The following FRAS1 variants were observed in gnomAD, a reference collection of about 807,000 sequenced individuals.
FRAS1 encodes Fraser extracellular matrix complex subunit 1, also known as extracellular matrix organizing protein FRAS1.
Under a neutral mutation model 435.2 loss-of-function variants are expected in FRAS1, and 290 were observed. The ratio of observed to expected loss-of-function variants is 0.67; its 90% CI spans 0.61 to 0.73. The LOEUF (loss-of-function observed/expected upper bound fraction) is 0.73. FRAS1 is among the 30% of genes least tolerant of loss of function. The pLI is 0.00. For missense variants in FRAS1, 4,860 were observed against 5,001.5 expected (o/e 0.97, Z 0.85); for synonymous variants, 1,800 against 1,851.0 (o/e 0.97, Z 0.71).
chr4:78,485,028 T>C (rs1720124908), intron 58 of FRAS1, among the ~76,000 whole-genome samples: 1 of 152,246 alleles, frequency 6.6e-6, no homozygotes, highest in Non-Finnish European at 1.5e-5. Context: ...ACCATTAATT[T>C]CCCTCTGATG....
rs117345445 is a variant in FRAS1 at position 78,131,732 on chromosome 4, G to A, written c.108+65716G>A. On this transcript the variant is annotated intron_variant, in intron 2 of 73. Transcript: ENST00000512123. ...AAGAACACTGGAGCATTTGAGCATC[G>A]TGCCAGGTAGCCCAGTGGTGTTAAG... 2.5e-4 allele frequency among the ~76,000 whole-genome samples: 38 copies of A among 152,284 alleles called. No individual in the cohort carries two copies. The East Asian group carries it at 5.2e-3, about 21-fold the overall frequency.
intron 2 of FRAS1, among the ~76,000 whole-genome samples, chr4:78,140,490 C>T (rs1383383702): frequency 4.6e-5 from 7 of 152,238 alleles, no homozygotes; most frequent in African/African-American, 1.7e-4. Flanking sequence ...CTCTGAACCA[C>T]AGTTTCTTAA....
At chr4:78,296,783 A>T (rs2110201333) in intron 14 of FRAS1, among the ~76,000 whole-genome samples, 1 of 152,120 alleles carries the variant, frequency 6.6e-6, no homozygotes. Context: ...GTTGCACTTT[A>T]ATTTGCTCCC....
intron 2 of FRAS1, among the ~76,000 whole-genome samples, chr4:78,092,735 T>C (rs1302768355): frequency 2.0e-5 from 3 of 152,198 alleles, no homozygotes; most frequent in Non-Finnish European, 4.4e-5. Context: ...TTCAATGACC[T>C]CACAGGACAA....
At chr4:78,076,316 C>T (rs747087303) in intron 2 of FRAS1, among the ~76,000 whole-genome samples, 17 of 152,028 alleles carry the variant, frequency 1.1e-4, no homozygotes, top group Non-Finnish European at 2.4e-4. Flanking sequence ...AGGCATTAAC[C>T]CACTCCTTTG....
chr4:78,498,103 C>T (rs1720559325), intron 60 of FRAS1, among the ~76,000 whole-genome samples: 1 of 152,102 alleles, frequency 6.6e-6, no homozygotes, highest in Admixed American at 6.5e-5. Flanking sequence ...GGGACGGGGG[C>T]CTGGGGAAGG....
chr4:78,361,700 G>GT (rs1160981660), intron 20 of FRAS1, among the ~76,000 whole-genome samples: 2 of 152,194 alleles, frequency 1.3e-5, no homozygotes, highest in Non-Finnish European at 2.9e-5. Flanking sequence ...GCAGGAATCT[G>GT]TTTTACCAAC....
chr4:78,262,661 A>G (rs2110148791), intron 6 of FRAS1, among the ~76,000 whole-genome samples: 1 of 152,270 alleles, frequency 6.6e-6, no homozygotes, highest in South Asian at 2.1e-4. Context: ...AATTTTGTCA[A>G]GAGCTTTCAT....
chr4:78,322,779 C>G (rs529061958), intron 18 of FRAS1, among the ~76,000 whole-genome samples: 1 of 152,312 alleles, frequency 6.6e-6, no homozygotes, highest in East Asian at 1.9e-4. Flanking sequence ...AGCTGGAGGA[C>G]AGTCTGTCTT....
chr4:78,127,460 A>C (rs1328279075), intron 2 of FRAS1, among the ~76,000 whole-genome samples: 1 of 152,224 alleles, frequency 6.6e-6, no homozygotes, highest in Non-Finnish European at 1.5e-5. Context: ...ATTGGATGGG[A>C]CAAGAGTGAA....
chr4:78,160,621 A>G (rs563644855), intron 2 of FRAS1, among the ~76,000 whole-genome samples: 19 of 152,312 alleles, frequency 1.2e-4, no homozygotes, highest in African/African-American at 4.3e-4. Context: ...AATTAAAGGT[A>G]GACAAAGTGG....
intron 20 of FRAS1, among the ~76,000 whole-genome samples, chr4:78,360,397 G>A (rs1402196918): frequency 6.6e-6 from 1 of 152,204 alleles, no homozygotes; most frequent in Non-Finnish European, 1.5e-5. Flanking sequence ...CAAGAGATGA[G>A]TTGTTTGTAG....
intron 4 of FRAS1, 32 bp from the exon 5 acceptor site, chr4:78,252,360 C>A: frequency 6.4e-7 from 1 of 1,559,782 alleles, no homozygotes; most frequent in Non-Finnish European, 8.7e-7. Context: ...TTGGCACTAA[C>A]CTTTTTTTTT....
At chr4:78,442,974 G>A (rs1261092855) in intron 41 of FRAS1, among the ~76,000 whole-genome samples, 2 of 152,174 alleles carry the variant, frequency 1.3e-5, no homozygotes, top group Non-Finnish European at 2.9e-5. Flanking sequence ...TTGTCACAAG[G>A]TATATTAACT....
intron 14 of FRAS1, among the ~76,000 whole-genome samples, chr4:78,288,033 A>T (rs749148598): frequency 1.3e-5 from 2 of 152,188 alleles, no homozygotes; most frequent in African/African-American, 4.8e-5. Flanking sequence ...TGTGTGATGA[A>T]TGAATGAATG....
In FRAS1 at chr4:78,372,692, T is replaced by C. The variant is rs375335526; in HGVS notation, c.2870-26T>C. 12 of 1,611,070 alleles carry C rather than the reference T, an allele frequency of 7.4e-6. 1 individual carries two copies. In the African/African-American group the frequency reaches 1.2e-4, roughly 16 times the overall value. ...GTCTGAGGGTGGACAGAAAGGAAGA[T>C]AATCTAATGCAGACTTTCTTTTTAG... On this transcript the variant is annotated intron_variant, in intron 23 of 73. Transcript: ENST00000512123.
intron 18 of FRAS1, among the ~76,000 whole-genome samples, chr4:78,330,632 G>A (rs1044993343): frequency 1.3e-5 from 2 of 152,136 alleles, no homozygotes; most frequent in South Asian, 4.1e-4. Flanking sequence ...TCTTATGGTC[G>A]AGACTGCAGG....
At chr4:78,483,797 TA>T (rs551105895) in intron 58 of FRAS1, among the ~76,000 whole-genome samples, 63 of 57,910 alleles carry the variant, frequency 1.1e-3, no homozygotes, top group East Asian at 7.5e-3. Context: ...TATATATATA[TA>T]AAATTATGTA....
intron 2 of FRAS1, among the ~76,000 whole-genome samples, chr4:78,078,984 A>G (rs1740779249): frequency 6.6e-6 from 1 of 152,192 alleles, no homozygotes; most frequent in Admixed American, 6.6e-5. Flanking sequence ...GGCATTATGT[A>G]TGTTATAAAA....
Sources: gnomAD v4.1 joint callset for allele counts (sites outside exome capture counted in the v4.1 genomes callset) on GRCh38, gnomAD v4.1.1 for gene constraint, MANE v1.5 for transcripts, NCBI Gene and HGNC (gene_info 2026-07-23, HGNC 2026-07-21) for gene names.